The following SPRY3 variants were observed in gnomAD, a reference collection of about 807,000 sequenced individuals.
The protein encoded by SPRY3 is protein sprouty homolog 3.
SPRY3 carries 15 observed loss-of-function variants against 20.2 expected under a neutral mutation model. The observed-to-expected ratio is 0.74, with a 90% CI of 0.50 to 1.14. The LOEUF is 1.14. SPRY3 is among the 50% of genes most tolerant of loss of function. SPRY3 has a pLI of 0.00. For synonymous variants in SPRY3, 143 were observed against 136.5 expected (o/e 1.05, Z -0.33); for missense variants, 364 against 363.9 (o/e 1.00, Z 0.00).
At chrX:155,628,543 T>G (rs782341202) in intron 1 of SPRY3, among the ~76,000 whole-genome samples, 1 of 112,102 alleles carries the variant, frequency 8.9e-6, no homozygotes, top group Admixed American at 9.4e-5. Context: ...AAAGGAGATA[T>G]TTACGTGGCC....
Position 155,740,448 on chromosome X carries a change from G to T in SPRY3, c.-281-27514G>T, listed in dbSNP as rs1207016319. 4.6e-5 allele frequency among the ~76,000 whole-genome samples: 7 copies of T among 152,202 alleles called. No individual in the cohort carries two copies. In the East Asian group the frequency reaches 1.4e-3, roughly 29 times the overall value. The stretch of plus-strand genomic sequence containing the variant: ...ATTGCTAAATTCTTTTCCTAGCAAG[G>T]AATATTAATAATTAAGACCCTGGGA... On this transcript the variant is annotated intron_variant, in intron 2 of 3. Coordinates refer to ENST00000675360, the Ensembl canonical transcript of SPRY3.
downstream of SPRY3, chrX:155,779,171 A>G: frequency 6.0e-6 from 1 of 167,088 alleles, no homozygotes. Context: ...ACCCTTCTAC[A>G]TTTTTGGGTA....
exon 4 of SPRY3, chrX:155,774,140 A>G (rs755672247): frequency 1.2e-6 from 2 of 1,613,960 alleles, no homozygotes; most frequent in African/African-American, 1.3e-5. Context: ...TCAATGTCCC[A>G]TAGCACCACT....
intron 2 of SPRY3, among the ~76,000 whole-genome samples, chrX:155,718,594 A>T (rs2124550189): frequency 6.6e-6 from 1 of 152,272 alleles, no homozygotes; most frequent in South Asian, 2.1e-4. Context: ...TTCGAATACA[A>T]AATAAAGACA....
rs186606165 is a variant in SPRY3 at position 155,740,060 on chromosome X, C to T, written c.-281-27902C>T. ...CGAACAGAGGGACCAGCTGGAGCTG[C>T]AGCAGAGGAACATAAATTATGAAGA... On this transcript the variant is annotated intron_variant, in intron 2 of 3. Coordinates refer to ENST00000675360, the Ensembl canonical transcript of SPRY3. Among the ~76,000 whole-genome samples, 8 of 152,224 alleles carry T rather than the reference C, an allele frequency of 5.3e-5. No homozygotes were observed. In the East Asian group the frequency reaches 1.5e-3, roughly 29 times the overall value.
chrX:155,755,421 A>T (rs1171078846), intron 2 of SPRY3, among the ~76,000 whole-genome samples: 1 of 151,934 alleles, frequency 6.6e-6, no homozygotes, highest in Non-Finnish European at 1.5e-5. Context: ...GTGGCATGGG[A>T]GTTGAGGGTA....
intron 2 of SPRY3, among the ~76,000 whole-genome samples, chrX:155,689,629 C>T (rs1377311440): frequency 1.2e-5 from 1 of 85,991 alleles, no homozygotes; most frequent in Non-Finnish European, 2.2e-5. Flanking sequence ...AATATCCCAG[C>T]GATTCTTTGT....
At chrX:155,653,514 G>A (rs782555108) in intron 1 of SPRY3, among the ~76,000 whole-genome samples, 16 of 111,749 alleles carry the variant, frequency 1.4e-4, no homozygotes, top group Non-Finnish European at 2.8e-4. Flanking sequence ...TTTCCCCATT[G>A]TATGGTCTTG....
intron 2 of SPRY3, among the ~76,000 whole-genome samples, chrX:155,744,921 G>A (rs1464684163): frequency 6.6e-6 from 1 of 152,000 alleles, no homozygotes; most frequent in African/African-American, 2.4e-5. Context: ...GATTCAGATT[G>A]TATTTTAGGA....
At chrX:155,673,853 C>T (rs2068051671) in intron 2 of SPRY3, among the ~76,000 whole-genome samples, 1 of 112,097 alleles carries the variant, frequency 8.9e-6, no homozygotes, top group Non-Finnish European at 1.9e-5. Flanking sequence ...AGGATTCCTC[C>T]TCCAGGTTCC....
chrX:155,779,521 A>G (rs1383190645), downstream of SPRY3: 3 of 166,920 alleles, frequency 1.8e-5, no homozygotes, highest in Non-Finnish European at 2.9e-5. Flanking sequence ...GGAGTAACAA[A>G]CTCTCAAAAT....
chrX:155,765,271 A>C (rs2091320436), intron 2 of SPRY3, among the ~76,000 whole-genome samples: 1 of 141,166 alleles, frequency 7.1e-6, no homozygotes, highest in African/African-American at 2.8e-5. Context: ...TAGTGGTTAA[A>C]AGTACAAGCT....
intron 2 of SPRY3, among the ~76,000 whole-genome samples, chrX:155,687,293 T>C (rs967632466): frequency 4.4e-5 from 5 of 112,762 alleles, no homozygotes; most frequent in Admixed American, 9.4e-5. Context: ...AAGCCCAACT[T>C]GGCTTAGGCT....
At chrX:155,722,525 A>C (rs1302008027) in intron 2 of SPRY3, among the ~76,000 whole-genome samples, 1 of 152,204 alleles carries the variant, frequency 6.6e-6, no homozygotes, top group African/African-American at 2.4e-5. Flanking sequence ...TATCTCAAAA[A>C]TAAATTAATT....
At chrX:155,761,444 G>A (rs1283515483) in intron 2 of SPRY3, among the ~76,000 whole-genome samples, 2 of 151,954 alleles carry the variant, frequency 1.3e-5, no homozygotes, top group Non-Finnish European at 2.9e-5. Context: ...TCTTTATCCA[G>A]TCTACCACTG....
chrX:155,717,347 TACA>T (rs995502331), intron 2 of SPRY3, among the ~76,000 whole-genome samples: 8 of 151,960 alleles, frequency 5.3e-5, no homozygotes, highest in Admixed American at 3.3e-4. Flanking sequence ...CAACAAGGAC[TACA>T]ACATCAGGCT....
chrX:155,749,474 C>G (rs1186915351), intron 2 of SPRY3, among the ~76,000 whole-genome samples: 1 of 151,546 alleles, frequency 6.6e-6, no homozygotes, highest in Admixed American at 6.6e-5. Flanking sequence ...AACATTTGAG[C>G]TAGGAATCAA....
intron 2 of SPRY3, among the ~76,000 whole-genome samples, chrX:155,671,686 A>G (rs187844421): frequency 4.8e-4 from 53 of 111,456 alleles, no homozygotes; most frequent in Admixed American, 3.9e-3. Context: ...TTTTGTTGCC[A>G]TTGCTTTTGG....
chrX:155,729,837 C>A (rs748474867), intron 2 of SPRY3, among the ~76,000 whole-genome samples: 1 of 151,770 alleles, frequency 6.6e-6, no homozygotes, highest in South Asian at 2.1e-4. Flanking sequence ...AAAAGATAGA[C>A]GATGCAAATA....
Sources: gnomAD v4.1 joint callset for allele counts (sites outside exome capture counted in the v4.1 genomes callset) on GRCh38, gnomAD v4.1.1 for gene constraint, MANE v1.5 for transcripts, NCBI Gene and HGNC (gene_info 2026-07-23, HGNC 2026-07-21) for gene names.